The following PTPRN2 variants were observed in gnomAD, a reference collection of about 807,000 sequenced individuals.
PTPRN2 encodes protein tyrosine phosphatase receptor type N2.
In PTPRN2, 74 loss-of-function variants were observed where a neutral mutation model predicts 118.8. That is an observed-to-expected ratio of 0.62 (90% CI 0.52 to 0.76). The LOEUF (loss-of-function observed/expected upper bound fraction) is 0.76, where lower values mean the gene tolerates loss of function less well. PTPRN2 is among the 30% of genes least tolerant of loss of function. The pLI is 0.00. For missense variants in PTPRN2, 1,481 were observed against 1,394.4 expected (o/e 1.06, Z -0.99); for synonymous variants, 641 against 608.0 (o/e 1.05, Z -0.80).
At chr7:158,037,035 G>C (rs1563349733) in intron 11 of PTPRN2, among the ~76,000 whole-genome samples, 1 of 152,152 alleles carries the variant, frequency 6.6e-6, no homozygotes, top group Non-Finnish European at 1.5e-5. Context: ...TTCCTTCAAA[G>C]ATACAGGTCA....
At chr7:157,875,175 C>G (rs529931111) in intron 12 of PTPRN2, among the ~76,000 whole-genome samples, 2 of 152,234 alleles carry the variant, frequency 1.3e-5, no homozygotes, top group Admixed American at 1.3e-4. Context: ...GTCACCTTGA[C>G]TTCACTATTT....
rs933533876 is a variant in PTPRN2, at chr7:157,845,081, G to C, written c.1788+53592C>G. 2.6e-5 allele frequency among the ~76,000 whole-genome samples: 4 copies of C among 152,074 alleles called. No individual in the cohort carries two copies. Among genetic ancestry groups the C allele is most frequent in the Admixed American group, 2.6e-4 (4 of 15,278 alleles). ...TGTAGAGATAGACAAAGGGAGAGGT[G>C]AGCACAAGGTCACAGGGACGCAGCC... On this transcript the variant is annotated intron_variant, in intron 12 of 22. Coordinates refer to ENST00000389418, the MANE Select transcript of PTPRN2 (RefSeq NM_002847.5). The surrounding 1 kb of genome is among the most constrained non-coding windows in gnomAD (Gnocchi z 4.5).
intron 3 of PTPRN2, among the ~76,000 whole-genome samples, chr7:158,306,868 T>TG: frequency 6.8e-6 from 1 of 147,196 alleles, no homozygotes; most frequent in Admixed American, 6.7e-5. Context: ...TTTTTTTTTT[T>TG]TTTTTTTTTT....
chr7:157,840,774 G>C (rs1375067413), intron 12 of PTPRN2, among the ~76,000 whole-genome samples: 1 of 152,236 alleles, frequency 6.6e-6, no homozygotes, highest in African/African-American at 2.4e-5. Context: ...CAGCAGTCAG[G>C]GGGACAGGTT....
intron 9 of PTPRN2, among the ~76,000 whole-genome samples, chr7:158,114,663 A>T (rs544080074): frequency 4.7e-4 from 71 of 152,266 alleles, no homozygotes; most frequent in African/African-American, 1.6e-3. Context: ...AATATGCATT[A>T]AAAAACCCAT....
chr7:158,583,403 C>T (rs865807958), intron 1 of PTPRN2, among the ~76,000 whole-genome samples: 2 of 152,116 alleles, frequency 1.3e-5, no homozygotes, highest in Non-Finnish European at 2.9e-5. Flanking sequence ...CGCTGTGCAC[C>T]ATGATGGGGC....
rs150370108 is a variant in PTPRN2 at position 157,617,860 on chromosome 7, T to TTCTC, written c.2344+3498_2344+3501dup. 6.6e-6 allele frequency: 1 copy of TTCTC among 151,612 alleles called. No individual in the cohort carries two copies. The allele number at this position is 151,612 out of a possible 1,614,324, so 9.4% of individuals were successfully genotyped here. On this transcript the variant is annotated intron_variant, in intron 15 of 22. Transcript: ENST00000389418. This position sits in a 1 kb window ranked among gnomAD's most constrained non-coding sequence, Gnocchi z 7.5. The stretch of plus-strand genomic sequence containing the variant: ...TGTCTCTCTGCATTGTTTGTCCTGG[T>TTCTC]TCTCTCTCTCTCTCTCGTTATTACA...
At chr7:158,055,120 T>C (rs1385570352) in intron 11 of PTPRN2, among the ~76,000 whole-genome samples, 1 of 152,238 alleles carries the variant, frequency 6.6e-6, no homozygotes, top group Non-Finnish European at 1.5e-5. Flanking sequence ...TGAATATCAT[T>C]CATCATTAGT....
At chr7:157,562,455 T>C (rs1003438357) in intron 21 of PTPRN2, among the ~76,000 whole-genome samples, 1 of 152,158 alleles carries the variant, frequency 6.6e-6, no homozygotes, top group Non-Finnish European at 1.5e-5. Flanking sequence ...CACTGTGGCT[T>C]TGTCATGCAG....
At chr7:157,669,755 A>G (rs896657281) in intron 13 of PTPRN2, among the ~76,000 whole-genome samples, 3 of 152,064 alleles carry the variant, frequency 2.0e-5, no homozygotes, top group African/African-American at 7.2e-5. Flanking sequence ...GGAACAGCCT[A>G]AGATCAGTAG....
At chr7:157,628,692 C>T (rs995753001) in intron 14 of PTPRN2, among the ~76,000 whole-genome samples, 12 of 152,148 alleles carry the variant, frequency 7.9e-5, no homozygotes, top group African/African-American at 4.8e-5. Context: ...AGGGGTGATG[C>T]GTGAATATGG....
At chr7:158,505,114 G>T (rs1159298100) in intron 1 of PTPRN2, among the ~76,000 whole-genome samples, 1 of 152,150 alleles carries the variant, frequency 6.6e-6, no homozygotes, top group Non-Finnish European at 1.5e-5. Context: ...TCTGATGCAG[G>T]TAGGATTATC....
chr7:157,853,680 C>T (rs368909121), intron 12 of PTPRN2, among the ~76,000 whole-genome samples: 47 of 152,212 alleles, frequency 3.1e-4, no homozygotes, highest in East Asian at 2.1e-3. Context: ...GTAGAATAAC[C>T]GAGCCACACG....
At chr7:158,157,147 T>C (rs2335483) in intron 6 of PTPRN2, among the ~76,000 whole-genome samples, 88,592 of 147,034 alleles carry the variant, frequency 0.6, 27,037 homozygotes, top group East Asian at 0.76. Context: ...CTGGAAGGCC[T>C]CCCCATTGTG....
At chr7:158,137,585 G>A (rs1157520106) in intron 7 of PTPRN2, among the ~76,000 whole-genome samples, 2 of 151,988 alleles carry the variant, frequency 1.3e-5, no homozygotes, top group East Asian at 3.9e-4. Context: ...ACCACTGGGC[G>A]ACCACCTAAC....
intron 12 of PTPRN2, among the ~76,000 whole-genome samples, chr7:157,730,835 G>T (rs952935885): frequency 2.0e-5 from 3 of 152,276 alleles, no homozygotes; most frequent in Non-Finnish European, 4.4e-5. Flanking sequence ...CACAGGGGAG[G>T]GCTCTGACCT....
chr7:157,784,685 G>A lies in PTPRN2; in HGVS notation c.1789-101748C>T, dbSNP rs1453942815. Among the ~76,000 whole-genome samples the A allele has an allele frequency of 4.1e-5, 6 of 146,856 alleles. No individual in the cohort carries two copies. Among genetic ancestry groups the A allele is most frequent in the African/African-American group, 1.3e-4 (5 of 39,600 alleles). On this transcript the variant is annotated intron_variant, in intron 12 of 22. Coordinates refer to ENST00000389418, the MANE Select transcript of PTPRN2 (RefSeq NM_002847.5). The surrounding 1 kb of genome is among the most constrained non-coding windows in gnomAD (Gnocchi z 4.6). ...AACGGGCAGGGGCTGGGCTGATCCC[G>A]TATGAAACGGGCAGGGGCTGAGCTG... is the stretch of plus-strand genomic sequence containing the variant.
intron 2 of PTPRN2, among the ~76,000 whole-genome samples, chr7:158,393,704 G>A (rs976938774): frequency 3.3e-5 from 5 of 152,104 alleles, no homozygotes; most frequent in African/African-American, 7.3e-5. Flanking sequence ...TGGCTCTAAT[G>A]CTTTTCATTA....
intron 11 of PTPRN2, among the ~76,000 whole-genome samples, chr7:158,071,051 A>T (rs373603270): frequency 1.6e-4 from 4 of 24,256 alleles, no homozygotes; most frequent in African/African-American, 1.0e-3. Flanking sequence ...GGAGGTGCTC[A>T]TGGTGGTGGA....
Sources: gnomAD v4.1 joint callset for allele counts (sites outside exome capture counted in the v4.1 genomes callset) on GRCh38, gnomAD v4.1.1 for gene constraint, Gnocchi (gnomAD v3.1) non-coding constraint, MANE v1.5 for transcripts, NCBI Gene and HGNC (gene_info 2026-07-23, HGNC 2026-07-21) for gene names.